The following CTNNA3 variants were observed in gnomAD, a reference collection of about 807,000 sequenced individuals.
CTNNA3 encodes catenin alpha-3.
A neutral mutation model predicts 95.7 loss-of-function variants in CTNNA3; 76 were observed. The ratio of observed to expected loss-of-function variants is 0.79; its 90% CI spans 0.66 to 0.96. CTNNA3 has a LOEUF of 0.96. Among genes scored for constraint, CTNNA3 ranks in the 40% least tolerant of loss-of-function variants. CTNNA3 has a pLI of 0.00. For synonymous variants in CTNNA3, 431 were observed against 374.4 expected, an observed-to-expected ratio of 1.15 and a Z score of -1.74; for missense variants, 1,191 against 1,089.8, an observed-to-expected ratio of 1.09 and a Z score of -1.31.
intron 10 of CTNNA3, among the ~76,000 whole-genome samples, chr10:66,621,325 C>T (rs765770312): frequency 1.3e-5 from 2 of 151,992 alleles, no homozygotes; most frequent in Admixed American, 6.6e-5. Context: ...GTCTTCCATG[C>T]TTCAAATAAA....
intron 1 of CTNNA3, among the ~76,000 whole-genome samples, chr10:67,748,269 TC>T (rs1225654777): frequency 6.6e-6 from 1 of 151,810 alleles, no homozygotes; most frequent in Non-Finnish European, 1.5e-5. Flanking sequence ...AGCAAGATAC[TC>T]CATGAGAAGA....
rs116806643 is a variant in CTNNA3 at position 66,467,670 on chromosome 10, A to G, written c.1531+52947T>C. ...GTGATATCAGATTACTATAACCATC[A>G]TGCTAATAGCTATTAAGATGAAGCC... On this transcript the variant is annotated intron_variant, in intron 11 of 17. Coordinates refer to ENST00000433211, the MANE Select transcript of CTNNA3 (RefSeq NM_013266.4). 5.9e-3 allele frequency among the ~76,000 whole-genome samples: 898 copies of G among 152,182 alleles called. 11 individuals carry two copies. The highest frequency in any genetic ancestry group is 0.021 in the African/African-American group (856 of 41,544).
intron 16 of CTNNA3, among the ~76,000 whole-genome samples, chr10:65,985,056 T>C (rs189994693): frequency 1.4e-3 from 208 of 151,334 alleles, no homozygotes; most frequent in African/African-American, 4.6e-3. Flanking sequence ...TCTTTATTAT[T>C]AGGAATGTTA....
At chr10:67,023,393 C>T (rs1853149627) in intron 7 of CTNNA3, among the ~76,000 whole-genome samples, 1 of 152,112 alleles carries the variant, frequency 6.6e-6, no homozygotes, top group South Asian at 2.1e-4. Flanking sequence ...AGGAAAGAAG[C>T]ATCAAACTTC....
At chr10:66,352,114 G>A (rs2092571042) in intron 12 of CTNNA3, among the ~76,000 whole-genome samples, 1 of 152,028 alleles carries the variant, frequency 6.6e-6, no homozygotes, top group Non-Finnish European at 1.5e-5. Flanking sequence ...ATGTCACTTG[G>A]ATGGGTTTTT....
chr10:66,374,515 G>A (rs1280209363), intron 12 of CTNNA3, among the ~76,000 whole-genome samples: 3 of 150,412 alleles, frequency 2.0e-5, no homozygotes, highest in Admixed American at 6.6e-5. Context: ...TCTAACATAC[G>A]ACACAATGGT....
At chr10:66,327,128 T>C (rs1473585580) in intron 12 of CTNNA3, among the ~76,000 whole-genome samples, 1 of 152,026 alleles carries the variant, frequency 6.6e-6, no homozygotes, top group East Asian at 1.9e-4. Flanking sequence ...GAAAACAATG[T>C]CAAAATCTAA....
At chr10:66,123,495 T>G (rs2082677367) in intron 13 of CTNNA3, among the ~76,000 whole-genome samples, 1 of 152,068 alleles carries the variant, frequency 6.6e-6, no homozygotes, top group African/African-American at 2.4e-5. Flanking sequence ...TGTCAGTGGA[T>G]CTACCATTCT....
At chr10:67,182,037 A>G (rs1402095922) in intron 6 of CTNNA3, among the ~76,000 whole-genome samples, 2 of 130,642 alleles carry the variant, frequency 1.5e-5, no homozygotes, top group Non-Finnish European at 3.2e-5. Flanking sequence ...AATGAAATAA[A>G]AGAGGATACA....
intron 9 of CTNNA3, among the ~76,000 whole-genome samples, chr10:66,749,202 C>CA (rs35568730): frequency 0.094 from 4,764 of 50,940 alleles, 544 homozygotes; most frequent in Non-Finnish European, 0.11. Flanking sequence ...AACTCCAACT[C>CA]AAAAAAAAAA....
intron 9 of CTNNA3, among the ~76,000 whole-genome samples, chr10:66,707,265 G>A (rs1015116196): frequency 2.0e-5 from 3 of 151,908 alleles, no homozygotes; most frequent in Non-Finnish European, 4.4e-5. Flanking sequence ...CATTCATATT[G>A]ATTTAGCCTA....
intron 11 of CTNNA3, among the ~76,000 whole-genome samples, chr10:66,465,469 C>T (rs1838873378): frequency 2.6e-5 from 4 of 152,064 alleles, no homozygotes; most frequent in Admixed American, 2.0e-4. Flanking sequence ...TTAGAAAGTC[C>T]CATTAGGATA....
chr10:66,235,919 G>C (rs2132024223), intron 13 of CTNNA3, among the ~76,000 whole-genome samples: 1 of 152,146 alleles, frequency 6.6e-6, no homozygotes, highest in Non-Finnish European at 1.5e-5. Context: ...AGGATGATTT[G>C]ACTAAAAACA....
intron 5 of CTNNA3, among the ~76,000 whole-genome samples, chr10:67,268,203 T>C (rs899555477): frequency 2.0e-5 from 3 of 151,926 alleles, no homozygotes; most frequent in Non-Finnish European, 4.4e-5. Context: ...TGGTGGCTCA[T>C]GCTTGTAAAG....
At chr10:66,056,738 G>C (rs563330495) in intron 15 of CTNNA3, among the ~76,000 whole-genome samples, 1 of 152,126 alleles carries the variant, frequency 6.6e-6, no homozygotes, top group African/African-American at 2.4e-5. Flanking sequence ...GATTTCTTCA[G>C]CATTCAATCT....
chr10:67,074,224 G>A lies in CTNNA3; in HGVS notation c.1047+106093C>T, dbSNP rs535396950. 7.9e-5 allele frequency among the ~76,000 whole-genome samples: 12 copies of A among 151,250 alleles called. No individual in the cohort carries two copies. The East Asian group carries it at 2.3e-3, about 29-fold the overall frequency. On this transcript the variant is annotated intron_variant, in intron 7 of 17. Transcript: ENST00000433211. Reference sequence around the variant, plus strand: ...ATTTTTGTACTTTTAATAGAAACGGGGTTTCACCATTTGGCCAGGATGGTC... The same window carrying A: ...ATTTTTGTACTTTTAATAGAAACGGAGTTTCACCATTTGGCCAGGATGGTC...
intron 15 of CTNNA3, among the ~76,000 whole-genome samples, chr10:66,037,468 T>C (rs1424867445): frequency 6.6e-6 from 1 of 152,184 alleles, no homozygotes; most frequent in Admixed American, 6.5e-5. Context: ...GCCCATTCTC[T>C]CTCATTTTTC....
chr10:66,895,804 A>T (rs1845457033), intron 7 of CTNNA3, among the ~76,000 whole-genome samples: 1 of 151,480 alleles, frequency 6.6e-6, no homozygotes, highest in Non-Finnish European at 1.5e-5. Flanking sequence ...TGGGCCAGGC[A>T]TGGTGGCTCA....
intron 7 of CTNNA3, among the ~76,000 whole-genome samples, chr10:66,922,599 G>A (rs566484197): frequency 2.3e-4 from 35 of 152,232 alleles, no homozygotes; most frequent in African/African-American, 7.9e-4. Context: ...TTAAGGGGTC[G>A]TGCCAAAGTA....
Sources: gnomAD v4.1 joint callset for allele counts (sites outside exome capture counted in the v4.1 genomes callset) on GRCh38, gnomAD v4.1.1 for gene constraint, MANE v1.5 for transcripts, NCBI Gene and HGNC (gene_info 2026-07-23, HGNC 2026-07-21) for gene names.